DDAH1: variants seen among roughly 807,000 people sequenced by gnomAD.
The protein encoded by DDAH1 is N(G),N(G)-dimethylarginine dimethylaminohydrolase 1.
A neutral mutation model predicts 28.8 loss-of-function variants in DDAH1; 19 were observed. The observed-to-expected ratio is 0.66, with a 90% confidence interval of 0.46 to 0.97. The LOEUF is 0.97. DDAH1 is among the 50% of genes least tolerant of loss of function. The pLI, the probability that DDAH1 is intolerant of heterozygous loss-of-function variation, is 0.00. For missense variants in DDAH1, 326 were observed against 375.9 expected (o/e 0.87, Z 1.10); for synonymous variants, 153 against 154.4 (o/e 0.99, Z 0.07).
Position 85,507,453 on chromosome 1 carries a change from T to C in DDAH1, c.-122-11172A>G, listed in dbSNP as rs184086729. ...AGGAGGTTGAGGCTGGAGTGAGCCA[T>C]GTTTGTGCCACTGTACTCCAGCCTA... On this transcript the variant is annotated intron_variant, in intron 1 of 6. Transcript: ENST00000426972. Among the ~76,000 whole-genome samples the C allele has an allele frequency of 5.4e-3, 818 of 152,016 alleles. 4 individuals carry two copies. Among genetic ancestry groups the C allele is most frequent in the Middle Eastern group, 0.014 (4 of 294 alleles).
Position 85,358,814 on chromosome 1 carries a change from GAA to G in DDAH1, c.335_336del (p.Leu112ProfsTer10). ...VDMMKEALEK[L>X]QLNIVEMKDE... is the part of the protein sequence containing the mutation. Reference sequence around the variant, plus strand: ...TCTTTCATCTCTACTATATTGAGCTGAAGTTTTTCTAATGCTTCTTTCATCAT... The same window carrying G: ...TCTTTCATCTCTACTATATTGAGCTGGTTTTTCTAATGCTTCTTTCATCAT... On this transcript the variant is annotated frameshift_variant, in exon 2 of 6. Transcript: ENST00000284031. LOFTEE classifies it high-confidence loss of function. 2 of 1,610,474 alleles carry G rather than the reference GAA, an allele frequency of 1.2e-6. No individual in the cohort carries two copies. The highest frequency in any genetic ancestry group is 1.1e-5 in the South Asian group (1 of 89,956).
intron 1 of DDAH1, among the ~76,000 whole-genome samples, chr1:85,444,772 T>C (rs763591353): frequency 1.6e-4 from 24 of 152,252 alleles, no homozygotes; most frequent in African/African-American, 4.8e-4. Context: ...TGAGTAACCA[T>C]GCAAATAAGT....
chr1:85,441,065 G>A (rs1173156423), intron 1 of DDAH1, among the ~76,000 whole-genome samples: 4 of 152,198 alleles, frequency 2.6e-5, no homozygotes, highest in East Asian at 1.9e-4. Flanking sequence ...GAAATTTTTA[G>A]AGCCTCACTA....
chr1:85,366,825 A>G (rs1276077682), intron 1 of DDAH1, among the ~76,000 whole-genome samples: 3 of 152,158 alleles, frequency 2.0e-5, no homozygotes, highest in African/African-American at 7.2e-5. Context: ...GAGTGTGTCA[A>G]CTCAACACTA....
chr1:85,537,663 C>T (rs1377954823), intron 1 of DDAH1, among the ~76,000 whole-genome samples: 2 of 148,402 alleles, frequency 1.3e-5, no homozygotes, highest in African/African-American at 5.0e-5. Context: ...ACTAAGTTTT[C>T]TAACTAATTT....
chr1:85,495,496 A>G (rs1292192038), intron 2 of DDAH1: 2 of 152,240 alleles, frequency 1.3e-5, no homozygotes, highest in Admixed American at 6.5e-5. Flanking sequence ...ACAGTCCCAT[A>G]GAGAGGACTT....
intron 1 of DDAH1, among the ~76,000 whole-genome samples, chr1:85,413,623 A>T (rs1652756340): frequency 6.6e-6 from 1 of 152,244 alleles, no homozygotes; most frequent in African/African-American, 2.4e-5. Flanking sequence ...AGAAAACAGG[A>T]TACTCCAGAT....
chr1:85,476,051 C>T (rs1655792242), intron 2 of DDAH1, among the ~76,000 whole-genome samples: 1 of 152,096 alleles, frequency 6.6e-6, no homozygotes, highest in Non-Finnish European at 1.5e-5. Context: ...TTTATACAGA[C>T]AGGTTTCGCC....
chr1:85,361,181 G>A (rs554779002), intron 1 of DDAH1, among the ~76,000 whole-genome samples: 5 of 152,336 alleles, frequency 3.3e-5, no homozygotes, highest in South Asian at 4.1e-4. Context: ...TTGAGGTTCC[G>A]TTGAAGCAGA....
At chr1:85,467,000 GC>G (rs1655412544), upstream of DDAH1, among the ~76,000 whole-genome samples, 3 of 151,782 alleles carry the variant, frequency 2.0e-5, no homozygotes, top group Non-Finnish European at 4.4e-5. Context: ...ACCACGCCTG[GC>G]TAATTTTGTA....
At chr1:85,394,043 A>G (rs1286449582) in intron 1 of DDAH1, among the ~76,000 whole-genome samples, 1 of 152,224 alleles carries the variant, frequency 6.6e-6, no homozygotes, top group African/African-American at 2.4e-5. Context: ...AATTGGCTTA[A>G]AGAAAAAGTA....
At chr1:85,392,917 A>AC (rs1207437622) in intron 1 of DDAH1, among the ~76,000 whole-genome samples, 2 of 152,024 alleles carry the variant, frequency 1.3e-5, no homozygotes, top group Non-Finnish European at 2.9e-5. Flanking sequence ...AAAATCTCAG[A>AC]CCCTTCACAG....
intron 1 of DDAH1, among the ~76,000 whole-genome samples, chr1:85,544,097 T>C (rs1200050703): frequency 6.6e-6 from 1 of 152,224 alleles, no homozygotes; most frequent in Non-Finnish European, 1.5e-5. Flanking sequence ...CTGATGTACA[T>C]AGAAAACTGC....
chr1:85,549,525 G>A lies in DDAH1; in HGVS notation c.-123+28459C>T, dbSNP rs138124404. 4.6e-3 allele frequency among the ~76,000 whole-genome samples: 707 copies of A among 152,312 alleles called. 10 individuals carry two copies. Among genetic ancestry groups the A allele is most frequent in the African/African-American group, 0.014 (579 of 41,572 alleles). ...TAGATGTAGACCATGAAGTGGACAC[G>A]GAAGGCACCTGGTTCATCTCTGCTT... On this transcript the variant is annotated intron_variant, in intron 1 of 6. Coordinates refer to the DDAH1 transcript ENST00000426972.
chr1:85,350,602 C>T (rs1404313929), intron 3 of DDAH1, 68 bp from the exon 4 acceptor site: 10 of 1,520,560 alleles, frequency 6.6e-6, no homozygotes, highest in African/African-American at 4.2e-5. Flanking sequence ...TTAAAAACCT[C>T]CCTGAAATAC....
chr1:85,325,206 G>T (rs1017740973), intron 4 of DDAH1, among the ~76,000 whole-genome samples: 1 of 152,214 alleles, frequency 6.6e-6, no homozygotes, highest in African/African-American at 2.4e-5. Flanking sequence ...ATGGCCACAT[G>T]TAAGGCCCAG....
intron 4 of DDAH1, among the ~76,000 whole-genome samples, chr1:85,331,959 TAGTGAGAGGAAAGGGTA>T: frequency 6.6e-6 from 1 of 152,150 alleles, no homozygotes; most frequent in South Asian, 2.1e-4. Flanking sequence ...AGAGGGTCCC[TAGTGAGAGGAAAGGGTA>T]AGTGAGAGAT....
intron 1 of DDAH1, among the ~76,000 whole-genome samples, chr1:85,392,653 C>T (rs541205412): frequency 4.6e-5 from 7 of 151,596 alleles, no homozygotes; most frequent in East Asian, 3.9e-4. Context: ...ATTAGCTGGG[C>T]GTGGTGGCAT....
At chr1:85,329,434 T>C (rs1278059679) in intron 4 of DDAH1, among the ~76,000 whole-genome samples, 1 of 152,236 alleles carries the variant, frequency 6.6e-6, no homozygotes, top group Non-Finnish European at 1.5e-5. Flanking sequence ...CTTCATTCTT[T>C]AATGCTTCTT....
Sources: allele counts gnomAD v4.1 joint callset (sites outside exome capture counted in the v4.1 genomes callset), GRCh38; gene constraint gnomAD v4.1.1; transcripts MANE v1.5; gene names NCBI Gene and HGNC (gene_info 2026-07-23, HGNC 2026-07-21).